Variants in CSMD1 observed in about 807,000 individuals in gnomAD.
The protein encoded by CSMD1 is CUB and sushi domain-containing protein 1.
CSMD1 carries 213 observed loss-of-function variants against 417.5 expected under a neutral mutation model. The ratio of observed to expected loss-of-function variants is 0.51; its 90% CI spans 0.46 to 0.57. The LOEUF is 0.57. Among genes scored for constraint, CSMD1 ranks in the 20% least tolerant of loss-of-function variants. The pLI, the probability that CSMD1 is intolerant of heterozygous loss-of-function variation, is 0.00. For missense variants in CSMD1, 6,923 were observed against 4,529.7 expected (o/e 1.53, Z -15.17); for synonymous variants, 2,862 against 1,736.8 (o/e 1.65, Z -16.11).
At position 3,219,320 on chromosome 8, in the gene CSMD1, C is replaced by G. The variant is rs755727609; in HGVS notation, c.4607G>C (p.Ser1536Thr). Residue 1536 changes from serine (S) to threonine (T), a missense_variant, in exon 29 of 70, where the codon AGC becomes ACC. Coordinates refer to ENST00000635120, the MANE Select transcript of CSMD1 (RefSeq NM_033225.6). ...ATCACTCCGAAATGCCAGAAACAGG[C>G]TGTTTCCGCTACTCTCTATTCTTTC... ...APERIESSGN[S>T]LFLAFRSDAS... 77 of 1,588,058 alleles carry G rather than the reference C, an allele frequency of 4.8e-5. No homozygotes were observed. The highest frequency in any genetic ancestry group is 6.3e-5 in the Non-Finnish European group (73 of 1,166,384).
chr8:3,903,029 T>C (rs764007715), intron 5 of CSMD1, among the ~76,000 whole-genome samples: 1 of 152,148 alleles, frequency 6.6e-6, no homozygotes, highest in Non-Finnish European at 1.5e-5. Flanking sequence ...TTCTGTGTTA[T>C]TAAAGTAGCG....
chr8:4,943,319 A>C (rs964404642), intron 1 of CSMD1, among the ~76,000 whole-genome samples: 5 of 151,612 alleles, frequency 3.3e-5, no homozygotes, highest in African/African-American at 1.2e-4. Context: ...CACTATGAAA[A>C]CCCGTCTCTA....
chr8:3,596,788 T>G (rs993899104), intron 8 of CSMD1, among the ~76,000 whole-genome samples: 1 of 103,778 alleles, frequency 9.6e-6, no homozygotes, highest in Non-Finnish European at 1.8e-5. Context: ...ACACACACAC[T>G]CACACACACA....
chr8:4,232,480 T>C (rs1028069141), intron 3 of CSMD1, among the ~76,000 whole-genome samples: 2 of 152,174 alleles, frequency 1.3e-5, no homozygotes, highest in Non-Finnish European at 2.9e-5. Context: ...ATTACAGGCA[T>C]GAGCAACTGC....
rs146041398 is a variant in CSMD1 at position 4,557,752 on chromosome 8, T to C, written c.302+79590A>G. Among the ~76,000 whole-genome samples the C allele has an allele frequency of 4.2e-3, 638 of 150,528 alleles. 9 individuals carry two copies. The highest frequency in any genetic ancestry group is 0.015 in the African/African-American group (605 of 40,480). On this transcript the variant is annotated intron_variant, in intron 2 of 69. Coordinates refer to ENST00000635120, the MANE Select transcript of CSMD1 (RefSeq NM_033225.6). Reference sequence around the variant, plus strand: ...AGCAAAGGGTCAATTTCAAAGGTGTTTGACAGCATTAAGATGGCACGTAAG... The same window carrying C: ...AGCAAAGGGTCAATTTCAAAGGTGTCTGACAGCATTAAGATGGCACGTAAG...
intron 3 of CSMD1, among the ~76,000 whole-genome samples, chr8:4,169,063 G>T (rs1323251058): frequency 1.3e-5 from 2 of 152,142 alleles, no homozygotes; most frequent in African/African-American, 4.8e-5. Context: ...ACCTCTGGAT[G>T]TTTCTCCCTA....
chr8:4,635,941 T>C (rs138944902), intron 2 of CSMD1, among the ~76,000 whole-genome samples: 5 of 152,048 alleles, frequency 3.3e-5, no homozygotes, highest in Admixed American at 1.3e-4. Context: ...ATATTGTAGA[T>C]GACTCAGAAA....
chr8:4,120,908 G>C lies in CSMD1; in HGVS notation c.416-88809C>G, dbSNP rs142469757. On this transcript the variant is annotated intron_variant, in intron 3 of 69. Coordinates refer to ENST00000635120, the MANE Select transcript of CSMD1 (RefSeq NM_033225.6). Reference sequence around the variant, plus strand: ...TTTATACACCATGGAATTTATTTAGGAATTCTGTTCCTATGTGCCTGAAAA... The same window carrying C: ...TTTATACACCATGGAATTTATTTAGCAATTCTGTTCCTATGTGCCTGAAAA... Among the ~76,000 whole-genome samples, 48 of 152,082 alleles carry C rather than the reference G, an allele frequency of 3.2e-4. No homozygotes were observed. In the East Asian group the frequency reaches 9.1e-3, roughly 29 times the overall value.
intron 12 of CSMD1, among the ~76,000 whole-genome samples, chr8:3,419,586 T>C (rs1813361236): frequency 6.6e-6 from 1 of 152,064 alleles, no homozygotes; most frequent in African/African-American, 2.4e-5. Context: ...ACCTGGAAAA[T>C]CCCACGTCTG....
At position 2,966,494 on chromosome 8, in the gene CSMD1, C is replaced by T. The variant is rs148743538; in HGVS notation, c.9100+76G>A. ...TAAAAATAAAAAAACAGTATAACACCTTAAAGTCATTTTTTTTCCCAATGG... is the reference window on the plus strand; with the variant it reads ...TAAAAATAAAAAAACAGTATAACACTTTAAAGTCATTTTTTTTCCCAATGG... On this transcript the variant is annotated intron_variant, in intron 58 of 69. Coordinates refer to ENST00000635120, the MANE Select transcript of CSMD1 (RefSeq NM_033225.6). 1,269 of 1,385,444 alleles carry T rather than the reference C, an allele frequency of 9.2e-4. 4 individuals carry two copies. Among genetic ancestry groups the T allele is most frequent in the Admixed American group, 3.5e-3 (167 of 47,062 alleles). 85.8% of individuals were successfully genotyped at this position (1,385,444 alleles called of 1,614,324 possible). A position where few individuals can be genotyped will look rare whatever the true frequency, so the allele number is the denominator to read the frequency against.
At chr8:3,621,977 T>G (rs1381415122) in intron 7 of CSMD1, among the ~76,000 whole-genome samples, 38 of 124,838 alleles carry the variant, frequency 3.0e-4, no homozygotes, top group African/African-American at 1.2e-3. Context: ...CTCTCTCTCT[T>G]TGTGTGTGTG....
intron 1 of CSMD1, among the ~76,000 whole-genome samples, chr8:4,912,663 A>G (rs1805774502): frequency 6.6e-6 from 1 of 152,180 alleles, no homozygotes; most frequent in South Asian, 2.1e-4. Flanking sequence ...TCAGGAACCA[A>G]AGAGTTTAGC....
intron 38 of CSMD1, 138 bp from the exon 39 acceptor site, chr8:3,158,104 T>G: frequency 4.3e-6 from 3 of 694,918 alleles, no homozygotes; most frequent in Non-Finnish European, 7.2e-6. Context: ...GTGAAATCTG[T>G]TTTTAGTAAT....
chr8:4,618,541 C>A (rs1045960000), intron 2 of CSMD1, among the ~76,000 whole-genome samples: 1 of 151,684 alleles, frequency 6.6e-6, no homozygotes, highest in Non-Finnish European at 1.5e-5. Flanking sequence ...ATATTTATTT[C>A]TTGATTCTTC....
Position 3,534,110 on chromosome 8 carries a change from A to G in CSMD1, c.1345-40384T>C, listed in dbSNP as rs578260329. Among the ~76,000 whole-genome samples the G allele has an allele frequency of 9.8e-5, 15 of 152,320 alleles. No homozygotes were observed. In the South Asian group the frequency reaches 2.9e-3, roughly 29 times the overall value. On this transcript the variant is annotated intron_variant, in intron 10 of 69. Transcript: ENST00000635120. ...TTAGTATCTGAGGCTATGAGAGCCC[A>G]TATTCCCCGCTCTCACTCATATGCA...
At chr8:3,523,629 AC>A (rs1334579404) in intron 10 of CSMD1, among the ~76,000 whole-genome samples, 1 of 152,026 alleles carries the variant, frequency 6.6e-6, no homozygotes, top group African/African-American at 2.4e-5. Context: ...ATGCATGCAC[AC>A]CGAGACACGT....
chr8:3,045,839 T>C (rs986737863), intron 50 of CSMD1, among the ~76,000 whole-genome samples: 6 of 152,174 alleles, frequency 3.9e-5, no homozygotes, highest in Non-Finnish European at 8.8e-5. Context: ...CTCTATACAA[T>C]ATGGTGATAA....
In CSMD1 at chr8:4,662,613, T is replaced by C. The variant is rs561680478; in HGVS notation, c.86-25055A>G. Reference sequence around the variant, plus strand: ...CAATGCCAGTCTTGACGGCTACGATTTCTCACATCATGTTCTTCAGAAATA... The same window carrying C: ...CAATGCCAGTCTTGACGGCTACGATCTCTCACATCATGTTCTTCAGAAATA... On this transcript the variant is annotated intron_variant, in intron 1 of 69. Coordinates refer to ENST00000635120, the MANE Select transcript of CSMD1 (RefSeq NM_033225.6). 1.6e-4 allele frequency among the ~76,000 whole-genome samples: 25 copies of C among 152,318 alleles called. No homozygotes were observed. The South Asian group carries it at 5.0e-3, about 30-fold the overall frequency.
Position 3,284,106 on chromosome 8 carries a change from G to C in CSMD1, c.4153+38C>G. The C allele has an allele frequency of 3.4e-6, 5 of 1,451,190 alleles. No homozygotes were observed. The East Asian group carries it at 7.4e-5, about 22-fold the overall frequency. The allele number at this position is 1,451,190 out of a possible 1,614,324, so 89.9% of individuals were successfully genotyped here. A position where few individuals can be genotyped will look rare whatever the true frequency, so the allele number is the denominator to read the frequency against. Reference sequence around the variant, plus strand: ...AGATCTGTGTTCATGACAAGACTTTGATATCAAGGTAAAGAAGAAGCACGC... The same window carrying C: ...AGATCTGTGTTCATGACAAGACTTTCATATCAAGGTAAAGAAGAAGCACGC... On this transcript the variant is annotated intron_variant, in intron 26 of 69. Transcript: ENST00000635120.
Sources: gnomAD v4.1 joint callset for allele counts (sites outside exome capture counted in the v4.1 genomes callset) on GRCh38, gnomAD v4.1.1 for gene constraint, MANE v1.5 for transcripts, NCBI Gene and HGNC (gene_info 2026-07-23, HGNC 2026-07-21) for gene names.